The following LHPP variants were observed in gnomAD, a reference collection of about 807,000 sequenced individuals.
LHPP encodes hLHPP.
A neutral mutation model predicts 30.3 loss-of-function variants in LHPP; 24 were observed. That is an observed-to-expected ratio of 0.79 (90% CI 0.57 to 1.11). The LOEUF is 1.11. Among genes scored for constraint, LHPP ranks in the 50% most tolerant of loss-of-function variants. LHPP has a pLI of 0.00. For missense variants in LHPP, 356 were observed against 367.2 expected, an observed-to-expected ratio of 0.97 and a Z score of 0.25; for synonymous variants, 150 against 157.1, an observed-to-expected ratio of 0.95 and a Z score of 0.34.
At chr10:124,535,902 A>C (rs1256925355) in intron 6 of LHPP, among the ~76,000 whole-genome samples, 1 of 152,234 alleles carries the variant, frequency 6.6e-6, no homozygotes, top group East Asian at 1.9e-4. Flanking sequence ...CTGCTCCCTC[A>C]GGGGAACTGG....
chr10:124,537,421 C>T (rs1049299365), intron 6 of LHPP, among the ~76,000 whole-genome samples: 4 of 152,220 alleles, frequency 2.6e-5, no homozygotes, highest in African/African-American at 9.6e-5. Context: ...GGGCAGCAGG[C>T]GGGCCCAGCC....
At chr10:124,519,362 T>A (rs1954547042) in intron 6 of LHPP, among the ~76,000 whole-genome samples, 1 of 152,224 alleles carries the variant, frequency 6.6e-6, no homozygotes, top group African/African-American at 2.4e-5. Context: ...TGGGATGATA[T>A]TGTTTTGCAG....
chr10:124,580,478 T>C (rs1589690630), intron 6 of LHPP, among the ~76,000 whole-genome samples: 1 of 152,352 alleles, frequency 6.6e-6, no homozygotes, highest in South Asian at 2.1e-4. Context: ...ATTTTCTATG[T>C]GGATAACAGT....
chr10:124,498,212 G>C (rs1267654920), intron 5 of LHPP, 84 bp downstream of exon 5: 1 of 1,404,076 alleles, frequency 7.1e-7, no homozygotes, highest in Non-Finnish European at 1.0e-6. Context: ...ACAGGACTCA[G>C]GCAGCCTGTG....
At chr10:124,577,519 C>T (rs1345177560) in intron 6 of LHPP, among the ~76,000 whole-genome samples, 2 of 152,170 alleles carry the variant, frequency 1.3e-5, no homozygotes, top group African/African-American at 4.8e-5. Context: ...GGCTCTGAGG[C>T]AGGTGGACAG....
intron 6 of LHPP, among the ~76,000 whole-genome samples, chr10:124,544,876 G>A (rs539733786): frequency 1.3e-5 from 2 of 148,484 alleles, no homozygotes; most frequent in African/African-American, 2.4e-5. Flanking sequence ...CGATCACATC[G>A]AGTGTTCTGG....
At chr10:124,529,625 G>C (rs1246253821) in intron 6 of LHPP, among the ~76,000 whole-genome samples, 2 of 152,148 alleles carry the variant, frequency 1.3e-5, no homozygotes, top group Admixed American at 1.3e-4. Flanking sequence ...TGAGGGCCAG[G>C]GGCTCCATGA....
intron 6 of LHPP, among the ~76,000 whole-genome samples, chr10:124,580,836 A>G (rs900355924): frequency 1.3e-5 from 2 of 150,728 alleles, no homozygotes; most frequent in Admixed American, 6.7e-5. Flanking sequence ...CTCCTGCCTC[A>G]GCCTCCTGAG....
At chr10:124,463,822 T>A (rs28735477) in intron 1 of LHPP, among the ~76,000 whole-genome samples, 1 of 15,048 alleles carries the variant, frequency 6.6e-5, no homozygotes, top group South Asian at 1.9e-3. Flanking sequence ...TTTTTTTTCT[T>A]TTTTTTTTTT....
In LHPP at chr10:124,604,989, C is replaced by T. The variant is rs549874543; in HGVS notation, c.717-8275C>T. On this transcript the variant is annotated intron_variant, in intron 6 of 6. Transcript: ENST00000368842. ...AAGAGCCCCTCGGGGAGAGGCCGCA[C>T]CCGTCTCCCTTGGTCAGTGTTCCCC... is the stretch of plus-strand genomic sequence containing the variant. 1.8e-3 allele frequency among the ~76,000 whole-genome samples: 271 copies of T among 152,368 alleles called. 2 individuals carry two copies. The highest frequency in any genetic ancestry group is 2.6e-3 in the Non-Finnish European group (177 of 68,028).
At chr10:124,495,983 C>T (rs1564788485) in intron 3 of LHPP, among the ~76,000 whole-genome samples, 1 of 152,216 alleles carries the variant, frequency 6.6e-6, no homozygotes, top group East Asian at 1.9e-4. Flanking sequence ...CTCAAGTCAG[C>T]ATGCGCTCTT....
At chr10:124,597,948 G>C (rs1948971457) in intron 6 of LHPP, among the ~76,000 whole-genome samples, 1 of 152,202 alleles carries the variant, frequency 6.6e-6, no homozygotes, top group Admixed American at 6.5e-5. Context: ...CTCTGCCAAA[G>C]CGAGCCTTTT....
In LHPP at chr10:124,492,379, G is replaced by A. The variant is rs114993137; in HGVS notation, c.467+3804G>A. 3.7e-3 allele frequency among the ~76,000 whole-genome samples: 561 copies of A among 152,352 alleles called. 3 individuals carry two copies. The highest frequency in any genetic ancestry group is 0.013 in the African/African-American group (542 of 41,568). On this transcript the variant is annotated intron_variant, in intron 3 of 6. Coordinates refer to ENST00000368842, the MANE Select transcript of LHPP (RefSeq NM_022126.4). ...GCCCGAAGCTACAGGATATAGATAT[G>A]TAGAGAGATTGTGGAGGCTTGGCGA...
At chr10:124,462,070 C>T (rs1952415163) in intron 1 of LHPP, 83 bp downstream of exon 1, 1 of 1,144,528 alleles carries the variant, frequency 8.7e-7, no homozygotes, top group Non-Finnish European at 1.1e-6. Flanking sequence ...GGCGGGGCGG[C>T]AGGGGGCGGG....
chr10:124,571,379 G>A (rs11245297), intron 6 of LHPP, among the ~76,000 whole-genome samples: 77,389 of 151,652 alleles, frequency 0.51, 19,958 homozygotes, highest in South Asian at 0.66. Flanking sequence ...TTTGAGTAAC[G>A]AGCGGCCATT....
intron 6 of LHPP, among the ~76,000 whole-genome samples, chr10:124,531,885 A>G (rs775313069): frequency 4.6e-5 from 7 of 152,214 alleles, no homozygotes; most frequent in Non-Finnish European, 1.0e-4. Flanking sequence ...GTTTGAATGA[A>G]TGATTTCTAT....
intron 6 of LHPP, among the ~76,000 whole-genome samples, chr10:124,582,889 G>A (rs907035577): frequency 2.0e-5 from 3 of 151,878 alleles, no homozygotes; most frequent in African/African-American, 7.3e-5. Context: ...TCATGAAGCA[G>A]AAGTGAATCA....
chr10:124,588,298 C>CTTTTTT (rs55633265), intron 6 of LHPP, among the ~76,000 whole-genome samples: 2 of 146,918 alleles, frequency 1.4e-5, no homozygotes, highest in African/African-American at 5.1e-5. Context: ...TTTTTCTCTT[C>CTTTTTT]TTTTTTTTTT....
At position 124,589,734 on chromosome 10, in the gene LHPP, C is replaced by T. The variant is rs575807556; in HGVS notation, c.717-23530C>T. On this transcript the variant is annotated intron_variant, in intron 6 of 6. Coordinates refer to ENST00000368842, the MANE Select transcript of LHPP (RefSeq NM_022126.4). ...AGACCCTTTCTTGTCTATCCCCGGACGGACCCGCCTTTCCCGCATCTCTGG... is the reference window on the plus strand; with the variant it reads ...AGACCCTTTCTTGTCTATCCCCGGATGGACCCGCCTTTCCCGCATCTCTGG... 2.1e-3 allele frequency among the ~76,000 whole-genome samples: 325 copies of T among 152,322 alleles called. 8 individuals are homozygous for T. Among genetic ancestry groups the T allele is most frequent in the Non-Finnish European group, 1.0e-3 (68 of 68,022 alleles).
Sources: gnomAD v4.1 joint callset for allele counts (sites outside exome capture counted in the v4.1 genomes callset) on GRCh38, gnomAD v4.1.1 for gene constraint, MANE v1.5 for transcripts, NCBI Gene and HGNC (gene_info 2026-07-23, HGNC 2026-07-21) for gene names.